The following CALN1 variants were observed in gnomAD, a reference collection of about 807,000 sequenced individuals.
The protein encoded by CALN1 is calcium-binding protein 8.
A neutral mutation model predicts 30.6 loss-of-function variants in CALN1; 17 were observed. The observed-to-expected ratio is 0.56, with a 90% CI of 0.38 to 0.83. CALN1 has a LOEUF of 0.83. CALN1 is among the 40% of genes least tolerant of loss of function. The pLI is 0.00. For missense variants in CALN1, 291 were observed against 354.9 expected (o/e 0.82, Z 1.45); for synonymous variants, 156 against 131.4 (o/e 1.19, Z -1.28).
intron 3 of CALN1, among the ~76,000 whole-genome samples, chr7:72,178,127 A>C (rs1789496408): frequency 1.3e-5 from 2 of 152,220 alleles, no homozygotes; most frequent in African/African-American, 4.8e-5. Context: ...AAAAATTTGT[A>C]AGCAATTCAG....
At chr7:72,134,699 A>G (rs1432245306) in intron 3 of CALN1, among the ~76,000 whole-genome samples, 1 of 152,246 alleles carries the variant, frequency 6.6e-6, no homozygotes, top group Non-Finnish European at 1.5e-5. Context: ...TGACTGATCA[A>G]GGTGGTGGTT....
chr7:72,198,368 G>T (rs1028423526), intron 3 of CALN1, among the ~76,000 whole-genome samples: 8 of 152,172 alleles, frequency 5.3e-5, no homozygotes, highest in Admixed American at 6.5e-5. Context: ...TTTGGCAAAG[G>T]ATCGCAGGTA....
In CALN1 at chr7:72,391,475, G is replaced by A. The variant is rs868091286; in HGVS notation, c.119+11776C>T. Among the ~76,000 whole-genome samples the A allele has an allele frequency of 8.3e-5, 10 of 120,654 alleles. No individual in the cohort carries two copies. In the South Asian group the frequency reaches 1.1e-3, roughly 13 times the overall value. The allele number at this position is 120,654 out of a possible 152,430, so 79.2% of individuals were successfully genotyped here. ...ACCAGGCAGCAAAAGGACCCAGCAT[G>A]ATGAAGAAGAAGTGTGGTAGTTTTA... On this transcript the variant is annotated intron_variant, in intron 2 of 6. Coordinates refer to ENST00000395275, the MANE Select transcript of CALN1 (RefSeq NM_031468.4).
At chr7:71,971,090 G>C (rs898140896) in intron 5 of CALN1, among the ~76,000 whole-genome samples, 1 of 152,196 alleles carries the variant, frequency 6.6e-6, no homozygotes, top group East Asian at 1.9e-4. Flanking sequence ...AGCCACAAAA[G>C]AGGACTGGTA....
At chr7:72,406,852 G>T (rs546819354) in intron 1 of CALN1, among the ~76,000 whole-genome samples, 1 of 152,158 alleles carries the variant, frequency 6.6e-6, no homozygotes, top group Non-Finnish European at 1.5e-5. Flanking sequence ...CTGACCTCAA[G>T]TGATCTGCCT....
the CALN1 span, among the ~76,000 whole-genome samples, chr7:72,465,916 G>A: frequency 5.9e-5 from 9 of 152,152 alleles, no homozygotes; most frequent in Admixed American, 1.3e-4. Context: ...ACACCGATAC[G>A]GAAGAGGGTG....
chr7:72,402,517 G>A (rs1806410801), intron 2 of CALN1, among the ~76,000 whole-genome samples: 1 of 152,152 alleles, frequency 6.6e-6, no homozygotes, highest in Non-Finnish European at 1.5e-5. Context: ...ACTCACCACA[G>A]ACCAATTCCT....
intron 2 of CALN1, among the ~76,000 whole-genome samples, chr7:72,319,375 G>A (rs1303545362): frequency 6.6e-6 from 1 of 152,148 alleles, no homozygotes; most frequent in Non-Finnish European, 1.5e-5. Flanking sequence ...AGCTTGTGCA[G>A]GGAAACTCCC....
chr7:72,271,403 ATTCT>A (rs1796961041), intron 3 of CALN1, among the ~76,000 whole-genome samples: 1 of 151,236 alleles, frequency 6.6e-6, no homozygotes, highest in African/African-American at 2.4e-5. Context: ...TCTATCTTCC[ATTCT>A]TTCTTATAAT....
chr7:72,491,227 A>G, the CALN1 span, among the ~76,000 whole-genome samples: 2 of 70,188 alleles, frequency 2.8e-5, no homozygotes, highest in Non-Finnish European at 4.9e-5. Flanking sequence ...ACTCCGTCTC[A>G]AAAAAAAAAA....
At chr7:72,233,278 G>GA (rs1018301997) in intron 3 of CALN1, among the ~76,000 whole-genome samples, 10 of 151,492 alleles carry the variant, frequency 6.6e-5, no homozygotes, top group African/African-American at 1.9e-4. Context: ...TTGGAAGGAG[G>GA]AAAAAAAGCA....
At chr7:72,346,068 A>G (rs543584884) in intron 2 of CALN1, among the ~76,000 whole-genome samples, 7 of 152,322 alleles carry the variant, frequency 4.6e-5, no homozygotes, top group African/African-American at 1.7e-4. Context: ...AATGAATGAC[A>G]AGATAAATTC....
intron 5 of CALN1, among the ~76,000 whole-genome samples, chr7:71,995,149 G>GCGCC (rs1018053125): frequency 8.5e-5 from 13 of 152,130 alleles, no homozygotes; most frequent in Non-Finnish European, 1.5e-4. Context: ...ACTGCGCCTG[G>GCGCC]CGCCCCTTCC....
intron 5 of CALN1, among the ~76,000 whole-genome samples, chr7:71,842,387 C>T (rs987034): frequency 0.32 from 48,284 of 152,062 alleles, 8,271 homozygotes; most frequent in Middle Eastern, 0.48. Context: ...TGATCGCTGC[C>T]GTTTTGTCTG....
In CALN1 at chr7:72,093,908, A is replaced by T. The variant is rs554150584; in HGVS notation, c.388+12243T>A. Among the ~76,000 whole-genome samples, 12 of 152,306 alleles carry T rather than the reference A, an allele frequency of 7.9e-5. No homozygotes were observed. The East Asian group carries it at 2.3e-3, about 29-fold the overall frequency. ...GTGGGACCTGAGATTCAGAACAGGA[A>T]TTTTTAGGTGGATTTAGAAAACTGA... On this transcript the variant is annotated intron_variant, in intron 4 of 6. Coordinates refer to ENST00000395275, the MANE Select transcript of CALN1 (RefSeq NM_031468.4).
At chr7:72,366,424 C>T (rs6970556) in intron 2 of CALN1, among the ~76,000 whole-genome samples, 3,821 of 152,242 alleles carry the variant, frequency 0.025, 183 homozygotes, top group African/African-American at 0.087. Context: ...GATCCACCTG[C>T]CTCGGCCTCC....
intron 5 of CALN1, among the ~76,000 whole-genome samples, chr7:71,818,710 T>A (rs953134210): frequency 1.3e-5 from 2 of 149,190 alleles, no homozygotes; most frequent in African/African-American, 5.0e-5. Context: ...ATTTATTTAT[T>A]TATTTATTTA....
At chr7:72,055,720 T>C (rs1240332819) in intron 4 of CALN1, among the ~76,000 whole-genome samples, 1 of 152,204 alleles carries the variant, frequency 6.6e-6, no homozygotes, top group Non-Finnish European at 1.5e-5. Context: ...TACTAGTTTA[T>C]GACATTTAGC....
At chr7:72,178,135 CAGA>C (rs1789496684) in intron 3 of CALN1, among the ~76,000 whole-genome samples, 1 of 152,116 alleles carries the variant, frequency 6.6e-6, no homozygotes, top group African/African-American at 2.4e-5. Flanking sequence ...GTAAGCAATT[CAGA>C]AGGAGAATAA....
Sources: gnomAD v4.1 joint callset for allele counts (sites outside exome capture counted in the v4.1 genomes callset) on GRCh38, gnomAD v4.1.1 for gene constraint, MANE v1.5 for transcripts, NCBI Gene and HGNC (gene_info 2026-07-23, HGNC 2026-07-21) for gene names.